The following LLGL2 variants were observed in gnomAD, a reference collection of about 807,000 sequenced individuals.
The protein encoded by LLGL2 is LLGL2, scribble cell polarity complex component.
A neutral mutation model predicts 123.2 loss-of-function variants in LLGL2; 81 were observed. The ratio of observed to expected loss-of-function variants is 0.66; its 90% CI spans 0.55 to 0.79. The LOEUF is 0.79. Ranked by LOEUF, LLGL2 falls within the 30% of genes least tolerant of loss-of-function variation. The pLI, the probability that LLGL2 is intolerant of heterozygous loss-of-function variation, is 0.00. For missense variants in LLGL2, 1,273 were observed against 1,414.6 expected (o/e 0.90, Z 1.61); for synonymous variants, 577 against 594.1 (o/e 0.97, Z 0.42).
At chr17:75,545,202 C>T (rs2054371228) in intron 2 of LLGL2, among the ~76,000 whole-genome samples, 1 of 152,078 alleles carries the variant, frequency 6.6e-6, no homozygotes, top group Non-Finnish European at 1.5e-5. Context: ...TTCTTCTTTC[C>T]CCTATCCCCC....
Position 75,570,424 on chromosome 17 carries a change from C to G in LLGL2, c.1951C>G (p.Arg651Gly), listed in dbSNP as rs536211924. The stretch of plus-strand genomic sequence containing the variant: ...CGTCAAGTCCCTCAAGAAGTCCTTG[C>G]GTCAGTCATTCCGCCGGATGCGTCG... The part of the protein sequence containing the change: ...SRVKSLKKSL[R>G]QSFRRMRRSR... Residue 651 changes from arginine (R) to glycine (G), a missense_variant, in exon 16 of 26, where the codon CGT (arginine) becomes GGT (glycine). By Grantham distance (125) the Arg-to-Gly change is moderately radical. Transcript: ENST00000392550. 1.6e-5 allele frequency: 25 copies of G among 1,607,608 alleles called. No homozygotes were observed. The East Asian group carries it at 5.4e-4, about 35-fold the overall frequency.
intron 2 of LLGL2, among the ~76,000 whole-genome samples, chr17:75,553,972 A>G (rs1598577213): frequency 6.6e-6 from 1 of 152,130 alleles, no homozygotes; most frequent in Non-Finnish European, 1.5e-5. Context: ...GTGAATTAGG[A>G]TATCTACAGG....
Position 75,558,328 on chromosome 17 carries a change from G to T in LLGL2, c.255+92G>T, listed in dbSNP as rs1451614049. 12 of 1,333,112 alleles carry T rather than the reference G, an allele frequency of 9.0e-6. No homozygotes were observed. In the South Asian group the frequency reaches 1.5e-4, roughly 17 times the overall value. The allele number at this position is 1,333,112 out of a possible 1,614,324, so 82.6% of individuals were successfully genotyped here. ...GGCTGGTGTGGAGAGGCTGGCATTC[G>T]GTGGCCCTGGGTTTGCTGCTGATGG... On this transcript the variant is annotated intron_variant, in intron 4 of 25. Coordinates refer to ENST00000392550, the MANE Select transcript of LLGL2 (RefSeq NM_001031803.2). The surrounding 1 kb of genome is among the most constrained non-coding windows in gnomAD (Gnocchi z 4.0).
At chr17:75,530,649 C>A (rs61640974) in intron 1 of LLGL2, among the ~76,000 whole-genome samples, 8,384 of 137,202 alleles carry the variant, frequency 0.061, 892 homozygotes, top group African/African-American at 0.21. Context: ...GACTCCATTT[C>A]AAAAAAAAAA....
At chr17:75,569,545 G>A (rs146566626) in intron 14 of LLGL2, among the ~76,000 whole-genome samples, 1,875 of 152,318 alleles carry the variant, frequency 0.012, 38 homozygotes, top group African/African-American at 0.039. Context: ...GCTCATGCCT[G>A]TAATCCCAGC....
chr17:75,541,137 A>G (rs1431564954), intron 1 of LLGL2, among the ~76,000 whole-genome samples: 1 of 151,990 alleles, frequency 6.6e-6, no homozygotes, highest in Non-Finnish European at 1.5e-5. Flanking sequence ...CCTCCTTCCT[A>G]CTGGCACCTC....
Position 75,554,990 on chromosome 17 carries a change from G to A in LLGL2, c.76-1056G>A, listed in dbSNP as rs552433183. Among the ~76,000 whole-genome samples, 113 of 150,680 alleles carry A rather than the reference G, an allele frequency of 7.5e-4. No homozygotes were observed. In the Middle Eastern group the frequency reaches 0.031, roughly 42 times the overall value. ...ACAGATCATGAGGTCAGGAGATAGA[G>A]ACACGGTGAAACCTGTCTCTACTAA... On this transcript the variant is annotated intron_variant, in intron 2 of 25. Transcript: ENST00000392550.
At chr17:75,551,042 G>A (rs1007884665) in intron 2 of LLGL2, among the ~76,000 whole-genome samples, 1 of 152,062 alleles carries the variant, frequency 6.6e-6, no homozygotes, top group East Asian at 1.9e-4. Flanking sequence ...TGCCCAGCCC[G>A]AGCCCCTGTC....
intron 1 of LLGL2, 47 bp from the exon 2 acceptor site, chr17:75,543,350 T>C: frequency 1.4e-6 from 2 of 1,381,664 alleles, no homozygotes; most frequent in South Asian, 2.6e-5. Flanking sequence ...GCCTAATCGA[T>C]ACCTGAGTGC....
chr17:75,569,126 C>T lies in LLGL2; in HGVS notation c.1471C>T (p.Arg491Cys), dbSNP rs763475439. Residue 491 changes from arginine to cysteine, a missense_variant, in exon 13 of 26, where the codon CGC becomes TGC. Arg to Cys is a radical substitution (Grantham distance 180). Coordinates refer to ENST00000392550, the MANE Select transcript of LLGL2 (RefSeq NM_001031803.2). ...GGGCGAGGACGAGTGGCCCCCACTC[C>T]GCAAGGTGAGGCCAGGAGCCTGGGA... ...AQGEDEWPPL[R>C]KVGSFDPYSD... The T allele has an allele frequency of 6.6e-5, 106 of 1,613,282 alleles. No individual in the cohort carries two copies. Among genetic ancestry groups the T allele is most frequent in the South Asian group, 2.4e-4 (22 of 91,060 alleles).
chr17:75,570,811 G>A, intron 16 of LLGL2, 139 bp from the exon 17 acceptor site: 1 of 1,160,506 alleles, frequency 8.6e-7, no homozygotes, highest in Middle Eastern at 3.0e-4. Flanking sequence ...CTTGGACAAG[G>A]GTCCCTCTAG....
rs190257253 is a variant in LLGL2, at chr17:75,528,215, A to G, written c.-31+2390A>G. On this transcript the variant is annotated intron_variant, in intron 1 of 25. Transcript: ENST00000392550. ...ACTGCAAGCTCCTCCTCCTGGGTTC[A>G]CGCCATTCTCCTGCCTCGGCCTCCC... Among the ~76,000 whole-genome samples the G allele has an allele frequency of 4.5e-4, 68 of 152,152 alleles. 1 individual carries two copies. The highest frequency in any genetic ancestry group is 1.6e-3 in the African/African-American group (67 of 41,556).
intron 19 of LLGL2, 70 bp from the exon 20 acceptor site, chr17:75,572,944 C>CCAGCAG: frequency 6.6e-7 from 1 of 1,504,888 alleles, no homozygotes; most frequent in South Asian, 1.3e-5. Flanking sequence ...AGGGGAGGGC[C>CCAGCAG]CAGCAGCAGC....
intron 2 of LLGL2, among the ~76,000 whole-genome samples, chr17:75,545,304 A>G (rs533150917): frequency 1.3e-5 from 2 of 152,150 alleles, no homozygotes; most frequent in Non-Finnish European, 2.9e-5. Flanking sequence ...TCTTCTTTCC[A>G]TTCATATGCA....
intron 10 of LLGL2, chr17:75,568,027 G>A: frequency 9.7e-7 from 1 of 1,029,182 alleles, no homozygotes. Context: ...AGGCCTGAGT[G>A]AGGTGATGTG....
At chr17:75,528,465 G>A (rs140092848) in intron 1 of LLGL2, among the ~76,000 whole-genome samples, 272 of 152,242 alleles carry the variant, frequency 1.8e-3, no homozygotes, top group Non-Finnish European at 3.3e-3. Context: ...AAGGCCAGGC[G>A]TGGTGGCTTA....
intron 17 of LLGL2, 185 bp from the exon 18 acceptor site, chr17:75,571,482 C>A (rs574827686): frequency 5.0e-5 from 30 of 601,288 alleles, no homozygotes; most frequent in African/African-American, 9.2e-5. Context: ...CTGGTTCTCC[C>A]CTGCTGTATC....
At chr17:75,563,927 C>A in intron 9 of LLGL2, 121 bp downstream of exon 9, 2 of 979,450 alleles carry the variant, frequency 2.0e-6, no homozygotes, top group Non-Finnish European at 3.2e-6. Flanking sequence ...GTGTTGGGGT[C>A]TTGGACACCA....
intron 1 of LLGL2, among the ~76,000 whole-genome samples, chr17:75,531,047 G>A (rs2053767691): frequency 6.6e-6 from 1 of 152,160 alleles, no homozygotes; most frequent in Admixed American, 6.5e-5. Context: ...TTCTGCCCCA[G>A]CTGAGGAGTG....
Sources: allele counts gnomAD v4.1 joint callset (sites outside exome capture counted in the v4.1 genomes callset), GRCh38; gene constraint gnomAD v4.1.1; non-coding constraint Gnocchi (gnomAD v3.1); transcripts MANE v1.5; gene names NCBI Gene and HGNC (gene_info 2026-07-23, HGNC 2026-07-21).